RAB30: variants seen among roughly 807,000 people sequenced by gnomAD.
RAB30 encodes RAB30, member RAS oncogene family.
A neutral mutation model predicts 25.1 loss-of-function variants in RAB30; 9 were observed. The ratio of observed to expected loss-of-function variants is 0.36; its 90% CI spans 0.22 to 0.63. RAB30 has a LOEUF of 0.63. Among genes scored for constraint, RAB30 ranks in the 20% least tolerant of loss-of-function variants. The probability of loss-of-function intolerance (pLI) is 0.69; values close to 1 mark genes in which losing one functional copy is unlikely to be tolerated. For synonymous variants in RAB30, 77 were observed against 86.4 expected (o/e 0.89, Z 0.60); for missense variants, 140 against 243.5 (o/e 0.58, Z 2.83).
intron 1 of RAB30, among the ~76,000 whole-genome samples, chr11:83,014,479 A>G (rs1000590461): frequency 3.9e-5 from 6 of 152,000 alleles, no homozygotes; most frequent in African/African-American, 1.2e-4. Flanking sequence ...CCAGGAGGTC[A>G]AGGCTGCAGT....
At chr11:83,012,539 T>C (rs1254123570) in intron 1 of RAB30, among the ~76,000 whole-genome samples, 4 of 152,228 alleles carry the variant, frequency 2.6e-5, no homozygotes, top group African/African-American at 9.6e-5. Flanking sequence ...TCTTGGTGCC[T>C]ACATTTATTT....
intron 1 of RAB30, among the ~76,000 whole-genome samples, chr11:83,016,228 T>C (rs1337414492): frequency 6.6e-6 from 1 of 152,050 alleles, no homozygotes; most frequent in Non-Finnish European, 1.5e-5. Flanking sequence ...ACAAGGACGG[T>C]CCTGATGAAA....
intron 1 of RAB30, among the ~76,000 whole-genome samples, chr11:83,036,520 AT>A (rs1345967696): frequency 1.3e-5 from 2 of 152,192 alleles, no homozygotes; most frequent in African/African-American, 2.4e-5. Context: ...TTATGAGTCC[AT>A]TCATTTATTC....
intron 1 of RAB30, among the ~76,000 whole-genome samples, chr11:83,014,168 G>A (rs1029462322): frequency 2.0e-5 from 3 of 152,188 alleles, no homozygotes; most frequent in Admixed American, 6.5e-5. Flanking sequence ...ATAAGTGCTA[G>A]TAGAGAATTA....
At position 82,975,802 on chromosome 11, in the gene RAB30, G is replaced by A. The variant is rs1360227356; in HGVS notation, c.*6363C>T. ...AAATACCTATCCTGACATTCACTAAGTAAATAATGACTATCATTTTAATAA... is the reference window on the plus strand; with the variant it reads ...AAATACCTATCCTGACATTCACTAAATAAATAATGACTATCATTTTAATAA... On this transcript the variant is annotated 3_prime_UTR_variant, in exon 5 of 5. Coordinates refer to ENST00000527633, the MANE Select transcript of RAB30 (RefSeq NM_001286060.2). The A allele has an allele frequency of 6.6e-6, 1 of 152,000 alleles. No individual in the cohort carries two copies. The highest frequency in any genetic ancestry group is 1.5e-5 in the Non-Finnish European group (1 of 67,992). The allele number at this position is 152,000 out of a possible 1,614,324, so 9.4% of individuals were successfully genotyped here.
rs912828513 is a variant in RAB30, at chr11:82,993,949, TAGG to T, written c.177+87_177+89del. 4.1e-5 allele frequency: 43 copies of T among 1,039,064 alleles called. No homozygotes were observed. In the African/African-American group the frequency reaches 5.1e-4, roughly 12 times the overall value. 64.4% of individuals were successfully genotyped at this position (1,039,064 alleles called of 1,614,324 possible). Reference sequence around the variant, plus strand: ...GCATTGTTTCCATGTGGGTTTCAATTAGGAGATTTAATAAATGGTTATGAAAGC... The same window carrying T: ...GCATTGTTTCCATGTGGGTTTCAATTAGATTTAATAAATGGTTATGAAAGC... On this transcript the variant is annotated intron_variant, in intron 3 of 4. Coordinates refer to ENST00000527633, the MANE Select transcript of RAB30 (RefSeq NM_001286060.2).
At chr11:83,069,117 C>A (rs901615976) in intron 1 of RAB30, among the ~76,000 whole-genome samples, 1 of 152,124 alleles carries the variant, frequency 6.6e-6, no homozygotes, top group South Asian at 2.1e-4. Context: ...AATAAGTAAA[C>A]CGAAGCAGAA....
intron 4 of RAB30, among the ~76,000 whole-genome samples, chr11:82,983,712 G>A (rs982430236): frequency 6.6e-6 from 1 of 152,048 alleles, no homozygotes; most frequent in Admixed American, 6.5e-5. Flanking sequence ...GGGATTACAC[G>A]CAATTGAGCC....
chr11:82,985,593 C>T (rs1856724915), intron 4 of RAB30, among the ~76,000 whole-genome samples: 1 of 151,192 alleles, frequency 6.6e-6, no homozygotes, highest in African/African-American at 2.4e-5. Flanking sequence ...CTTGTAAAGC[C>T]TATAGGTCAA....
At chr11:83,070,263 C>A (rs1294812845) in intron 1 of RAB30, among the ~76,000 whole-genome samples, 3 of 152,160 alleles carry the variant, frequency 2.0e-5, no homozygotes, top group African/African-American at 7.2e-5. Flanking sequence ...AAAAGCTGCT[C>A]ATTGGCATCC....
At chr11:82,993,414 A>T (rs964741712) in intron 3 of RAB30, among the ~76,000 whole-genome samples, 12 of 152,170 alleles carry the variant, frequency 7.9e-5, no homozygotes, top group Non-Finnish European at 1.5e-4. Context: ...AACTAAATAT[A>T]ACATATGTAA....
intron 1 of RAB30, among the ~76,000 whole-genome samples, chr11:83,027,999 G>A (rs576200357): frequency 6.6e-6 from 1 of 152,100 alleles, no homozygotes; most frequent in Non-Finnish European, 1.5e-5. Context: ...ACACAGCCAA[G>A]GATCACATTT....
intron 4 of RAB30, among the ~76,000 whole-genome samples, chr11:82,986,155 G>T (rs532219340): frequency 5.5e-4 from 84 of 152,274 alleles, no homozygotes; most frequent in African/African-American, 2.0e-3. Flanking sequence ...ATCTATTAGA[G>T]ATATACACAG....
intron 3 of RAB30, among the ~76,000 whole-genome samples, chr11:82,993,818 T>G (rs1489461527): frequency 6.6e-6 from 1 of 152,228 alleles, no homozygotes; most frequent in Non-Finnish European, 1.5e-5. Context: ...CAAACTTGCC[T>G]TAGCCATTTT....
At chr11:83,053,022 G>A (rs1417019355) in intron 1 of RAB30, among the ~76,000 whole-genome samples, 1 of 152,110 alleles carries the variant, frequency 6.6e-6, no homozygotes, top group Non-Finnish European at 1.5e-5. Context: ...CAGGGAACTG[G>A]AGCTGTCCTT....
At position 83,035,848 on chromosome 11, in the gene RAB30, C is replaced by CG. The variant is rs760338071; in HGVS notation, c.-9+35842dup. Among the ~76,000 whole-genome samples the CG allele has an allele frequency of 4.6e-5, 7 of 152,254 alleles. 1 individual carries two copies. The highest frequency in any genetic ancestry group is 1.3e-4 in the Admixed American group (2 of 15,302). On this transcript the variant is annotated intron_variant, in intron 1 of 4. Transcript: ENST00000527633. ...TTTCCAGCCAGGCAAGTGTTACTTG[C>CG]GGGAAGTCACAGGCATCTTATGGAT...
At chr11:83,061,429 G>A (rs1343702924) in intron 1 of RAB30, among the ~76,000 whole-genome samples, 2 of 152,162 alleles carry the variant, frequency 1.3e-5, no homozygotes, top group African/African-American at 2.4e-5. Flanking sequence ...ACATTGGAAC[G>A]ACTGAGGAAA....
At chr11:83,033,033 G>A (rs1159866545) in intron 1 of RAB30, among the ~76,000 whole-genome samples, 1 of 150,540 alleles carries the variant, frequency 6.6e-6, no homozygotes, top group African/African-American at 2.4e-5. Flanking sequence ...GCTTGCCCTA[G>A]GGAACATGTT....
At chr11:83,050,613 C>A (rs1477449200) in intron 1 of RAB30, among the ~76,000 whole-genome samples, 2 of 152,208 alleles carry the variant, frequency 1.3e-5, no homozygotes, top group Non-Finnish European at 2.9e-5. Flanking sequence ...GGTACCAAGG[C>A]ATGAAATTAT....
Sources: allele counts gnomAD v4.1 joint callset (sites outside exome capture counted in the v4.1 genomes callset), GRCh38; gene constraint gnomAD v4.1.1; transcripts MANE v1.5; gene names NCBI Gene and HGNC (gene_info 2026-07-23, HGNC 2026-07-21).